PLXNA2: variants seen among roughly 807,000 people sequenced by gnomAD.
The protein encoded by PLXNA2 is plexin A2, also known as plexin-A2.
PLXNA2 carries 91 observed loss-of-function variants against 193.5 expected under a neutral mutation model. That is an observed-to-expected ratio of 0.47 (90% CI 0.40 to 0.56). PLXNA2 has a LOEUF of 0.56. Among genes scored for constraint, PLXNA2 ranks in the 20% least tolerant of loss-of-function variants. PLXNA2 has a pLI of 0.00. For missense variants in PLXNA2, 1,995 were observed against 2,503.2 expected, an observed-to-expected ratio of 0.80 and a Z score of 4.33; for synonymous variants, 997 against 1,027.3, an observed-to-expected ratio of 0.97 and a Z score of 0.56.
chr1:208,107,847 G>C (rs1667323347), intron 4 of PLXNA2, among the ~76,000 whole-genome samples: 1 of 152,026 alleles, frequency 6.6e-6, no homozygotes, highest in Non-Finnish European at 1.5e-5. Flanking sequence ...CCCTTCTCCT[G>C]CCCCCTATGG....
rs536063380 is a variant in PLXNA2, at chr1:208,226,726, C to T, written c.-80-8724G>A. On this transcript the variant is annotated intron_variant, in intron 1 of 31. Coordinates refer to ENST00000367033, the MANE Select transcript of PLXNA2 (RefSeq NM_025179.4). ...GCCACCCGGGCAGAGCTGAGAGAGCCGCATGGTATAAACTAAAATACAAGA... is the reference window on the plus strand; with the variant it reads ...GCCACCCGGGCAGAGCTGAGAGAGCTGCATGGTATAAACTAAAATACAAGA... Among the ~76,000 whole-genome samples, 132 of 152,332 alleles carry T rather than the reference C, an allele frequency of 8.7e-4. 1 individual carries two copies. In the South Asian group the frequency reaches 0.026, roughly 30 times the overall value.
intron 3 of PLXNA2, among the ~76,000 whole-genome samples, chr1:208,160,423 G>A (rs569615270): frequency 1.3e-5 from 2 of 152,320 alleles, no homozygotes; most frequent in South Asian, 4.1e-4. Flanking sequence ...TGCCAGATCA[G>A]TCTAGCTGGC....
Position 208,026,920 on chromosome 1 carries a change from T to A in PLXNA2, c.*323A>T, listed in dbSNP as rs1664358366. On this transcript the variant is annotated 3_prime_UTR_variant, in exon 32 of 32. Coordinates refer to ENST00000367033, the MANE Select transcript of PLXNA2 (RefSeq NM_025179.4). Reference sequence around the variant, plus strand: ...CATTATTTCCCCAATATACATCAAATGAGTTTTCATGCAAAGCAGCAGTCA... The same window carrying A: ...CATTATTTCCCCAATATACATCAAAAGAGTTTTCATGCAAAGCAGCAGTCA... The A allele has an allele frequency of 4.7e-6, 1 of 211,504 alleles. No individual in the cohort carries two copies. The highest frequency in any genetic ancestry group is 1.4e-4 in the South Asian group (1 of 7,288). The allele number at this position is 211,504 out of a possible 1,614,324, so 13.1% of individuals were successfully genotyped here. A position where few individuals can be genotyped will look rare whatever the true frequency, so the allele number is the denominator to read the frequency against.
intron 3 of PLXNA2, among the ~76,000 whole-genome samples, chr1:208,202,437 T>C (rs1670581018): frequency 1.3e-5 from 2 of 152,172 alleles, no homozygotes; most frequent in South Asian, 4.1e-4. Context: ...TCATTTTACA[T>C]TGAGGAAATT....
intron 29 of PLXNA2, chr1:208,031,018 G>C: frequency 2.0e-6 from 2 of 987,762 alleles, no homozygotes; most frequent in Non-Finnish European, 2.4e-6. Flanking sequence ...AAGCTATGGC[G>C]CCAGGATAAT....
chr1:208,195,412 C>T (rs1052992242), intron 3 of PLXNA2, among the ~76,000 whole-genome samples: 1 of 152,130 alleles, frequency 6.6e-6, no homozygotes, highest in Admixed American at 6.5e-5. Context: ...AGGGTAGACC[C>T]ACAGACCCAC....
At chr1:208,075,172 G>A (rs1284970680) in intron 12 of PLXNA2, among the ~76,000 whole-genome samples, 1 of 152,058 alleles carries the variant, frequency 6.6e-6, no homozygotes, top group South Asian at 2.1e-4. Flanking sequence ...TTAGCTGGGC[G>A]TGGTGGCACG....
At chr1:208,093,583 T>C (rs1037583909) in intron 8 of PLXNA2, among the ~76,000 whole-genome samples, 1 of 152,266 alleles carries the variant, frequency 6.6e-6, no homozygotes, top group African/African-American at 2.4e-5. Context: ...TTAAATTACC[T>C]GTTATTTCAA....
intron 27 of PLXNA2, 28 bp from the exon 28 acceptor site, chr1:208,033,537 G>A (rs1664574434): frequency 1.3e-6 from 2 of 1,548,658 alleles, no homozygotes; most frequent in Non-Finnish European, 8.8e-7. Context: ...GTGGAGGGCT[G>A]TGAGTAACAG....
chr1:208,201,971 G>T (rs7540193), intron 3 of PLXNA2, among the ~76,000 whole-genome samples: 2 of 108,064 alleles, frequency 1.9e-5, no homozygotes, highest in African/African-American at 7.5e-5. Flanking sequence ...ATCAGGGCAA[G>T]AATTTTTTTT....
chr1:208,225,048 G>A (rs1402352113), intron 1 of PLXNA2, among the ~76,000 whole-genome samples: 1 of 152,188 alleles, frequency 6.6e-6, no homozygotes, highest in African/African-American at 2.4e-5. Context: ...TGAGAGGGGA[G>A]CTGCGTGCGG....
At chr1:208,055,453 C>T (rs560112717) in intron 13 of PLXNA2, among the ~76,000 whole-genome samples, 96 of 152,172 alleles carry the variant, frequency 6.3e-4, no homozygotes, top group African/African-American at 2.2e-3. Flanking sequence ...GAAACTCTTG[C>T]CTGGAATGGT....
chr1:208,066,983 A>G (rs1665817807), intron 12 of PLXNA2, among the ~76,000 whole-genome samples: 1 of 152,236 alleles, frequency 6.6e-6, no homozygotes, highest in East Asian at 1.9e-4. Flanking sequence ...TGTACAATGT[A>G]TGTGTTTTAA....
chr1:208,172,533 C>T (rs1011994551), intron 3 of PLXNA2, among the ~76,000 whole-genome samples: 7 of 152,200 alleles, frequency 4.6e-5, no homozygotes, highest in Non-Finnish European at 1.0e-4. Context: ...CTGACCTCAG[C>T]TCTGGGCAGG....
At chr1:208,064,717 T>C (rs1425860061) in intron 12 of PLXNA2, among the ~76,000 whole-genome samples, 1 of 152,186 alleles carries the variant, frequency 6.6e-6, no homozygotes, top group African/African-American at 2.4e-5. Flanking sequence ...GGACCCTGCA[T>C]CCTGCCTTCT....
rs1456398388 is a variant in PLXNA2, at chr1:208,028,051, G to A, written c.5547C>T (p.Ala1849=). The stretch of plus-strand genomic sequence containing the variant: ...TGACATAGGAGTAGATCTCATTGAG[G>A]GCACTCAGCATGTTGAACTCCACGG... The part of the protein sequence containing the change: ...LHAVEFNMLS[A]LNEIYSYVSK... The change falls in exon 31 of 32, where the codon GCC becomes GCT. Residue 1849 remains alanine, a synonymous_variant. Coordinates refer to ENST00000367033, the MANE Select transcript of PLXNA2 (RefSeq NM_025179.4). This position sits in a 1 kb window ranked among gnomAD's most constrained non-coding sequence, Gnocchi z 4.2. 1.9e-6 allele frequency: 3 copies of A among 1,609,830 alleles called. No homozygotes were observed. In the South Asian group the frequency reaches 3.3e-5, roughly 18 times the overall value.
At chr1:208,213,771 G>T in intron 2 of PLXNA2, among the ~76,000 whole-genome samples, 1 of 152,192 alleles carries the variant, frequency 6.6e-6, no homozygotes, top group Non-Finnish European at 1.5e-5. Context: ...TCTTTAAGGG[G>T]CCATTCCTCT....
At chr1:208,140,907 T>C (rs529242292) in intron 4 of PLXNA2, among the ~76,000 whole-genome samples, 1 of 152,356 alleles carries the variant, frequency 6.6e-6, no homozygotes, top group East Asian at 1.9e-4. Flanking sequence ...TCCCAGCACT[T>C]TGTTCCCAAT....
chr1:208,062,147 A>G lies in PLXNA2; in HGVS notation c.2587-1310T>C, dbSNP rs181375796. On this transcript the variant is annotated intron_variant, in intron 12 of 31. Transcript: ENST00000367033. ...GAAGAGGATACCTGGGCAGAGCCAC[A>G]GCCTCTCTGTTTTTGGACACTTCTG... Among the ~76,000 whole-genome samples, 601 of 152,264 alleles carry G rather than the reference A, an allele frequency of 3.9e-3. 5 individuals are homozygous for G. The highest frequency in any genetic ancestry group is 0.014 in the African/African-American group (589 of 41,538).
Sources: allele counts gnomAD v4.1 joint callset (sites outside exome capture counted in the v4.1 genomes callset), GRCh38; gene constraint gnomAD v4.1.1; non-coding constraint Gnocchi (gnomAD v3.1); transcripts MANE v1.5; gene names NCBI Gene and HGNC (gene_info 2026-07-23, HGNC 2026-07-21).